Variants in CNTNAP4 observed in about 807,000 individuals in gnomAD.
The protein encoded by CNTNAP4 is contactin associated protein family member 4.
In CNTNAP4, 98 loss-of-function variants were observed where a neutral mutation model predicts 148.4. The observed-to-expected ratio is 0.66, with a 90% CI of 0.56 to 0.78. The LOEUF (loss-of-function observed/expected upper bound fraction) is 0.78, where lower values mean the gene tolerates loss of function less well. CNTNAP4 is among the 30% of genes least tolerant of loss of function. CNTNAP4 has a pLI of 0.00. For missense variants in CNTNAP4, 1,935 were observed against 1,565.6 expected, an observed-to-expected ratio of 1.24 and a Z score of -3.98; for synonymous variants, 730 against 565.1, an observed-to-expected ratio of 1.29 and a Z score of -4.14.
chr16:76,547,210 C>G (rs546350813), intron 21 of CNTNAP4, among the ~76,000 whole-genome samples: 1 of 152,148 alleles, frequency 6.6e-6, no homozygotes, highest in African/African-American at 2.4e-5. Context: ...AGGAAATATA[C>G]AGATACAAAG....
rs754533315 is a variant in CNTNAP4 at position 76,489,691 on chromosome 16, G to A, written c.1888G>A (p.Ala630Thr). 6.4e-7 allele frequency: 1 copy of A among 1,571,276 alleles called. No individual in the cohort carries two copies. The highest frequency in any genetic ancestry group is 8.7e-7 in the Non-Finnish European group (1 of 1,151,278). The change falls in exon 13 of 24, where the codon GCA becomes ACA. Residue 630 changes from alanine (A) to threonine (T), a missense_variant. By Grantham distance (58) the Ala-to-Thr change is moderately conservative (BLOSUM62 0). Coordinates refer to ENST00000611870, the MANE Select transcript of CNTNAP4 (RefSeq NM_033401.5). ...CCCCCATTTCTGCATACAAGAAACT[G>A]CATGGACCATCATACAGCACAACGG... ...FLLYCNMTET[A>T]WTIIQHNGSD... is the part of the protein sequence containing the mutation.
chr16:76,337,671 T>C (rs191079987), intron 2 of CNTNAP4, among the ~76,000 whole-genome samples: 1 of 152,246 alleles, frequency 6.6e-6, no homozygotes, highest in African/African-American at 2.4e-5. Context: ...AGGCTGGAAT[T>C]TCCCAATCCT....
chr16:76,449,595 G>A, intron 6 of CNTNAP4, 120 bp from the exon 7 acceptor site: 2 of 778,408 alleles, frequency 2.6e-6, no homozygotes, highest in Non-Finnish European at 3.9e-6. Context: ...ATTTTTGTGT[G>A]TGTAGGGTTA....
At chr16:76,320,848 T>C (rs1962332067) in intron 2 of CNTNAP4, among the ~76,000 whole-genome samples, 2 of 152,148 alleles carry the variant, frequency 1.3e-5, no homozygotes, top group Non-Finnish European at 2.9e-5. Context: ...ATTGATAAAT[T>C]TGTGTACAGG....
intron 1 of CNTNAP4, among the ~76,000 whole-genome samples, chr16:76,289,375 C>G (rs1278324359): frequency 6.6e-6 from 1 of 152,120 alleles, no homozygotes. Flanking sequence ...TCTTTAAAGA[C>G]TTTTCTCATT....
At chr16:76,442,518 A>G (rs533358814) in intron 4 of CNTNAP4, among the ~76,000 whole-genome samples, 1 of 152,288 alleles carries the variant, frequency 6.6e-6, no homozygotes, top group South Asian at 2.1e-4. Flanking sequence ...GGGAAGTTCA[A>G]GAAGCATGGT....
At chr16:76,552,123 T>C (rs1320882044) in intron 21 of CNTNAP4, among the ~76,000 whole-genome samples, 2 of 134,212 alleles carry the variant, frequency 1.5e-5, no homozygotes, top group Non-Finnish European at 3.2e-5. Flanking sequence ...GCAAAAACCT[T>C]CTTCACATGG....
intron 3 of CNTNAP4, among the ~76,000 whole-genome samples, chr16:76,416,036 A>G (rs1191899805): frequency 6.6e-6 from 1 of 150,530 alleles, no homozygotes; most frequent in African/African-American, 2.4e-5. Context: ...CTAATGTCTT[A>G]ACTTCTATCC....
chr16:76,487,452 G>C (rs949922954), intron 12 of CNTNAP4, among the ~76,000 whole-genome samples: 1 of 152,204 alleles, frequency 6.6e-6, no homozygotes, highest in African/African-American at 2.4e-5. Flanking sequence ...TGAAGTGCAT[G>C]TCTTTTACCA....
In CNTNAP4 at chr16:76,492,756, G is replaced by C. The variant is rs189170883; in HGVS notation, c.2081-2154G>C. On this transcript the variant is annotated intron_variant, in intron 13 of 23. Coordinates refer to ENST00000611870, the MANE Select transcript of CNTNAP4 (RefSeq NM_033401.5). ...TTGCCACCATGTAAGATGTGGCTTT[G>C]CCCTTCCTTGCCTTCTGCCATGATT... Among the ~76,000 whole-genome samples, 468 of 152,106 alleles carry C rather than the reference G, an allele frequency of 3.1e-3. 3 individuals carry two copies. The highest frequency in any genetic ancestry group is 4.1e-3 in the Non-Finnish European group (276 of 67,952).
At chr16:76,443,711 T>G (rs909377080) in intron 4 of CNTNAP4, among the ~76,000 whole-genome samples, 4 of 152,118 alleles carry the variant, frequency 2.6e-5, no homozygotes, top group African/African-American at 9.6e-5. Flanking sequence ...AAATATTGAT[T>G]TGTACTAATT....
chr16:76,438,775 C>T (rs4888507), intron 4 of CNTNAP4, among the ~76,000 whole-genome samples: 150,367 of 152,176 alleles, frequency 0.99, 74,316 homozygotes, highest in East Asian at 1. Context: ...GCTGCTGACA[C>T]ATAGGGTTAC....
At chr16:76,547,772 C>T (rs1310784797) in intron 21 of CNTNAP4, among the ~76,000 whole-genome samples, 4 of 152,142 alleles carry the variant, frequency 2.6e-5, no homozygotes, top group African/African-American at 9.7e-5. Flanking sequence ...AGGAAGCACA[C>T]CTCAGGTTTC....
Position 76,522,687 on chromosome 16 carries a change from C to CTTTCTTTTCTTTTTTCTTTTCTTTTCT in CNTNAP4, c.2755+443_2755+444insTTCTTTTCTTTTCTTTTCTTTTCTTTT, listed in dbSNP as rs2083523317. On this transcript the variant is annotated intron_variant, in intron 17 of 23. Coordinates refer to ENST00000611870, the MANE Select transcript of CNTNAP4 (RefSeq NM_033401.5). ...CTTTCCTTCTTTCTCTCTTTCTCTC[C>CTTTCTTTTCTTTTTTCTTTTCTTTTCT]TTTCTTTTCTTTTCTTTTCTTTTCT... 1.0e-3 allele frequency among the ~76,000 whole-genome samples: 31 copies of CTTTCTTTTCTTTTTTCTTTTCTTTTCT among 30,154 alleles called. 6 individuals carry two copies. The highest frequency in any genetic ancestry group is 5.2e-3 in the South Asian group (4 of 776). 19.8% of individuals were successfully genotyped at this position (30,154 alleles called of 152,430 possible).
chr16:76,489,607 T>G, intron 12 of CNTNAP4, 79 bp from the exon 13 acceptor site: 1 of 773,810 alleles, frequency 1.3e-6, no homozygotes, highest in Non-Finnish European at 1.9e-6. Flanking sequence ...AAAAGGTGAT[T>G]TTGATTTTCT....
intron 1 of CNTNAP4, among the ~76,000 whole-genome samples, chr16:76,293,484 C>T (rs1449532015): frequency 1.3e-5 from 2 of 152,070 alleles, no homozygotes; most frequent in East Asian, 1.9e-4. Flanking sequence ...AGTTTTCTTC[C>T]TATCTACCTG....
intron 2 of CNTNAP4, among the ~76,000 whole-genome samples, chr16:76,326,966 C>CAAA (rs370233510): frequency 1.4e-5 from 2 of 144,056 alleles, no homozygotes; most frequent in African/African-American, 5.1e-5. Context: ...TTAAAAAATA[C>CAAA]AAAAAAAAAA....
chr16:76,520,078 A>T (rs1362457873), intron 15 of CNTNAP4, among the ~76,000 whole-genome samples: 1 of 152,174 alleles, frequency 6.6e-6, no homozygotes, highest in Non-Finnish European at 1.5e-5. Context: ...TTTAGATAGA[A>T]TTTTATCCAT....
chr16:76,521,009 GAGC>G, intron 15 of CNTNAP4, 128 bp from the exon 16 acceptor site: 1 of 779,582 alleles, frequency 1.3e-6, no homozygotes, highest in Non-Finnish European at 2.0e-6. Context: ...CAGAAAAAAA[GAGC>G]AGATTTGTAT....
Sources: gnomAD v4.1 joint callset for allele counts (sites outside exome capture counted in the v4.1 genomes callset) on GRCh38, gnomAD v4.1.1 for gene constraint, MANE v1.5 for transcripts, NCBI Gene and HGNC (gene_info 2026-07-23, HGNC 2026-07-21) for gene names.